Variants in IVD observed in about 807,000 individuals in gnomAD.
The protein encoded by IVD is isovaleryl-CoA dehydrogenase, mitochondrial.
IVD carries 31 observed loss-of-function variants against 51.3 expected under a neutral mutation model. The observed-to-expected ratio is 0.60, with a 90% confidence interval of 0.45 to 0.81. The LOEUF is 0.81. Ranked by LOEUF, IVD falls within the 40% of genes least tolerant of loss-of-function variation. IVD has a pLI of 0.00. For synonymous variants in IVD, 205 were observed against 219.4 expected, an observed-to-expected ratio of 0.93 and a Z score of 0.58; for missense variants, 475 against 552.0, an observed-to-expected ratio of 0.86 and a Z score of 1.40.
At position 40,418,645 on chromosome 15, in the gene IVD, C is replaced by T. The variant is rs899565746; in HGVS notation, c.*382C>T. 3.5e-6 allele frequency: 4 copies of T among 1,152,854 alleles called. No individual in the cohort carries two copies. The highest frequency in any genetic ancestry group is 3.2e-6 in the Non-Finnish European group (3 of 926,866). The allele number at this position is 1,152,854 out of a possible 1,614,324, so 71.4% of individuals were successfully genotyped here. ...CACCTGGGGGCATGCAGGTACCCAC[C>T]TCTTTCTCTTGGGTGAGGCTCTGGC... On this transcript the variant is annotated 3_prime_UTR_variant, in exon 12 of 12. Coordinates refer to ENST00000487418, the MANE Select transcript of IVD (RefSeq NM_002225.5).
chr15:40,416,623 G>T (rs1242048154), intron 11 of IVD, among the ~76,000 whole-genome samples: 1 of 152,144 alleles, frequency 6.6e-6, no homozygotes, highest in Non-Finnish European at 1.5e-5. Flanking sequence ...CTTGAACCCG[G>T]GAGGCAGAGG....
At chr15:40,414,081 A>G (rs1891388782) in intron 7 of IVD, among the ~76,000 whole-genome samples, 1 of 151,056 alleles carries the variant, frequency 6.6e-6, no homozygotes, top group African/African-American at 2.4e-5. Flanking sequence ...CTGCTCTCGA[A>G]CTCCTGACCT....
At chr15:40,425,957 A>G (rs1184325906), downstream of IVD, among the ~76,000 whole-genome samples, 2 of 136,796 alleles carry the variant, frequency 1.5e-5, no homozygotes, top group Admixed American at 7.9e-5. Context: ...TTAAAGGCCC[A>G]GTCCGGCTAT....
At chr15:40,425,993 T>C (rs1222236575), downstream of IVD, among the ~76,000 whole-genome samples, 1 of 150,252 alleles carries the variant, frequency 6.7e-6, no homozygotes, top group Non-Finnish European at 1.5e-5. Flanking sequence ...TTAAATGTTA[T>C]AGAGACAGGG....
intron 2 of IVD, 55 bp downstream of exon 2, chr15:40,407,780 A>T: frequency 6.6e-7 from 1 of 1,505,266 alleles, no homozygotes; most frequent in Non-Finnish European, 9.2e-7. Context: ...GCTGAGCTGC[A>T]CTGCTGCCTG....
rs1890586123 is a variant in IVD at position 40,407,628 on chromosome 15, C to T, written c.145-8C>T. The T allele has an allele frequency of 1.2e-6, 2 of 1,611,744 alleles. No homozygotes were observed. The highest frequency in any genetic ancestry group is 1.3e-5 in the African/African-American group (1 of 75,020). Reference sequence around the variant, plus strand: ...TGCAGTGGCATCTGTTTACCTCTCTCCTATTAGCTTCGTCAGACCATGGCT... The same window carrying T: ...TGCAGTGGCATCTGTTTACCTCTCTTCTATTAGCTTCGTCAGACCATGGCT... On this transcript the variant is annotated splice_region_variant and splice_polypyrimidine_tract_variant and intron_variant, in intron 1 of 11. Coordinates refer to ENST00000487418, the MANE Select transcript of IVD (RefSeq NM_002225.5).
chr15:40,424,275 C>A, downstream of IVD: 2 of 973,436 alleles, frequency 2.1e-6, no homozygotes, highest in Non-Finnish European at 2.8e-6. Flanking sequence ...CCTTCCCCTT[C>A]TGCTGCTTCC....
At chr15:40,427,379 C>T (rs1892730840), downstream of IVD, among the ~76,000 whole-genome samples, 3 of 152,240 alleles carry the variant, frequency 2.0e-5, no homozygotes, top group Admixed American at 2.0e-4. Context: ...GGAGCAGAGG[C>T]AAGGAGCGTG....
chr15:40,434,081 G>A (rs890938795), intron 8 of IVD, among the ~76,000 whole-genome samples: 1 of 152,182 alleles, frequency 6.6e-6, no homozygotes, highest in African/African-American at 2.4e-5. Flanking sequence ...TCCCGTAAAT[G>A]CCCCACATGG....
intron 11 of IVD, among the ~76,000 whole-genome samples, chr15:40,416,948 C>A (rs1891756462): frequency 6.6e-6 from 1 of 152,108 alleles, no homozygotes; most frequent in Non-Finnish European, 1.5e-5. Context: ...ACCTGTAATT[C>A]CAACACTTTA....
intron 7 of IVD, chr15:40,414,636 G>A (rs1566939337): frequency 2.1e-6 from 1 of 473,036 alleles, no homozygotes. Flanking sequence ...GTCCAGAGAG[G>A]GAAGGGAAAG....
chr15:40,422,119 G>T (rs1892344323), downstream of IVD, among the ~76,000 whole-genome samples: 1 of 152,222 alleles, frequency 6.6e-6, no homozygotes. Flanking sequence ...GGCTGCCCGC[G>T]GGGTTGGGTT....
In IVD at chr15:40,420,884, C is replaced by T; in HGVS notation, c.*2621C>T. 2 of 985,526 alleles carry T rather than the reference C, an allele frequency of 2.0e-6. No individual in the cohort carries two copies. The highest frequency in any genetic ancestry group is 2.4e-6 in the Non-Finnish European group (2 of 830,016). 61.0% of individuals were successfully genotyped at this position (985,526 alleles called of 1,614,324 possible). A position where few individuals can be genotyped will look rare whatever the true frequency, so the allele number is the denominator to read the frequency against. ...AGGGAATGGGTCTGGGTTGTTCCACCCCTTCCGAGTTCCAAAAAGAGGGAA... is the reference window on the plus strand; with the variant it reads ...AGGGAATGGGTCTGGGTTGTTCCACTCCTTCCGAGTTCCAAAAAGAGGGAA... On this transcript the variant is annotated 3_prime_UTR_variant, in exon 12 of 12. Coordinates refer to ENST00000487418, the MANE Select transcript of IVD (RefSeq NM_002225.5).
chr15:40,423,591 A>G (rs1892493219), downstream of IVD, among the ~76,000 whole-genome samples: 1 of 152,094 alleles, frequency 6.6e-6, no homozygotes, highest in Non-Finnish European at 1.5e-5. Context: ...CCTCCCGAGT[A>G]GCTGGGACTA....
Position 40,421,225 on chromosome 15 carries a change from A to T in IVD, c.*2962A>T. 2.0e-6 allele frequency: 2 copies of T among 985,438 alleles called. No individual in the cohort carries two copies. The highest frequency in any genetic ancestry group is 2.4e-6 in the Non-Finnish European group (2 of 829,930). 61.0% of individuals were successfully genotyped at this position (985,438 alleles called of 1,614,324 possible). A position where few individuals can be genotyped will look rare whatever the true frequency, so the allele number is the denominator to read the frequency against. ...CATCCAGTCTGTCTAAGCCCTGTCG[A>T]CTTGGGGAGGTGATTTCTTTCCTGG... On this transcript the variant is annotated 3_prime_UTR_variant, in exon 12 of 12. Coordinates refer to ENST00000487418, the MANE Select transcript of IVD (RefSeq NM_002225.5).
In IVD at chr15:40,419,106, A is replaced by G. The variant is rs1892028139; in HGVS notation, c.*843A>G. ...AGCCGAGCTTGTGCCATTGCACTCC[A>G]GCCTGGGCGACAAGAGCAAAACTCT... On this transcript the variant is annotated 3_prime_UTR_variant, in exon 12 of 12. Transcript: ENST00000487418. 7.9e-7 allele frequency: 1 copy of G among 1,270,852 alleles called. No homozygotes were observed. Among genetic ancestry groups the G allele is most frequent in the South Asian group, 1.2e-5 (1 of 80,670 alleles). 78.7% of individuals were successfully genotyped at this position (1,270,852 alleles called of 1,614,324 possible).
chr15:40,412,656 C>T lies in IVD; in HGVS notation c.688-335C>T, dbSNP rs115390963. 1.0e-3 allele frequency: 380 copies of T among 362,500 alleles called. 2 individuals carry two copies. The highest frequency in any genetic ancestry group is 7.4e-3 in the African/African-American group (351 of 47,512). The allele number at this position is 362,500 out of a possible 1,614,324, so 22.5% of individuals were successfully genotyped here. On this transcript the variant is annotated intron_variant, in intron 6 of 11. Transcript: ENST00000487418. ...AACAACAGAGGATAAGGGAATTGACCGGGCTGGTGACAGTGTCTTGGAAGT... is the reference window on the plus strand; with the variant it reads ...AACAACAGAGGATAAGGGAATTGACTGGGCTGGTGACAGTGTCTTGGAAGT...
In IVD at chr15:40,418,289, CTGCACCTAG is replaced by C; in HGVS notation, c.*29_*37del. 6.2e-7 allele frequency: 1 copy of C among 1,613,466 alleles called. No individual in the cohort carries two copies. The highest frequency in any genetic ancestry group is 8.5e-7 in the Non-Finnish European group (1 of 1,179,696). On this transcript the variant is annotated 3_prime_UTR_variant, in exon 12 of 12. Coordinates refer to ENST00000487418, the MANE Select transcript of IVD (RefSeq NM_002225.5). ...TCCTGAGACCCTTCGCCCCCTTTTC[CTGCACCTAG>C]TGGCCTTTCTTGGGAAGTAGAGATG...
At chr15:40,416,923 G>C (rs1595792870) in intron 11 of IVD, among the ~76,000 whole-genome samples, 1 of 152,164 alleles carries the variant, frequency 6.6e-6, no homozygotes, top group Admixed American at 6.5e-5. Flanking sequence ...GATGTGGCTG[G>C]GCACAGTGGC....
Sources: allele counts gnomAD v4.1 joint callset (sites outside exome capture counted in the v4.1 genomes callset), GRCh38; gene constraint gnomAD v4.1.1; transcripts MANE v1.5; gene names NCBI Gene and HGNC (gene_info 2026-07-23, HGNC 2026-07-21).